USP26: variants seen among roughly 807,000 people sequenced by gnomAD.
USP26 encodes the protein ubiquitin specific peptidase 26, also known as ubiquitin carboxyl-terminal hydrolase 26.
For synonymous variants in USP26, 236 were observed against 240.6 expected, an observed-to-expected ratio of 0.98 and a Z score of 0.18; for missense variants, 649 against 642.3, an observed-to-expected ratio of 1.01 and a Z score of -0.11.
intron 1 of USP26, among the ~76,000 whole-genome samples, chrX:133,092,888 A>G (rs35049613): frequency 0.36 from 39,328 of 110,408 alleles, 6,310 homozygotes; most frequent in Middle Eastern, 0.52. Flanking sequence ...GGAAAACACC[A>G]ACTTTCTACC....
chrX:133,064,056 C>CA (rs754019748), intron 5 of USP26, among the ~76,000 whole-genome samples: 4 of 111,225 alleles, frequency 3.6e-5, no homozygotes, highest in African/African-American at 9.8e-5. Flanking sequence ...AAATGGAAAG[C>CA]AAAAAAAGCA....
chrX:133,047,398 C>A (rs1468382391), intron 5 of USP26, among the ~76,000 whole-genome samples: 1 of 112,284 alleles, frequency 8.9e-6, no homozygotes, highest in African/African-American at 3.2e-5. Context: ...ATATATATTT[C>A]TTCTAGTACA....
intron 5 of USP26, among the ~76,000 whole-genome samples, chrX:133,044,093 C>T (rs762913702): frequency 1.2e-4 from 13 of 112,705 alleles, no homozygotes; most frequent in Non-Finnish European, 2.3e-4. Flanking sequence ...ACTATTTGTG[C>T]CCACCCACCC....
intron 5 of USP26, among the ~76,000 whole-genome samples, chrX:133,044,518 T>C (rs1213564709): frequency 1.8e-5 from 2 of 112,900 alleles, no homozygotes; most frequent in African/African-American, 6.4e-5. Context: ...GCTTAGCACC[T>C]GGACCAGCAG....
chrX:133,039,748 T>C (rs1367258212), intron 5 of USP26, among the ~76,000 whole-genome samples: 1 of 111,581 alleles, frequency 9.0e-6, no homozygotes, highest in Admixed American at 9.5e-5. Flanking sequence ...AATATCCTTG[T>C]TAATTTTCTG....
intron 5 of USP26, among the ~76,000 whole-genome samples, chrX:133,035,328 C>T (rs754575133): frequency 2.1e-4 from 24 of 112,168 alleles, no homozygotes; most frequent in Middle Eastern, 4.6e-3. Context: ...AAGAAAGAGG[C>T]TCTTTTGGAC....
chrX:133,064,238 A>T (rs2067504067), intron 5 of USP26, among the ~76,000 whole-genome samples: 1 of 112,133 alleles, frequency 8.9e-6, no homozygotes, highest in Non-Finnish European at 1.9e-5. Flanking sequence ...ACAAGTTCTT[A>T]GAGACCTACA....
At chrX:133,076,412 A>G (rs150641301) in intron 5 of USP26, among the ~76,000 whole-genome samples, 414 of 111,002 alleles carry the variant, frequency 3.7e-3, no homozygotes, top group African/African-American at 0.013. Flanking sequence ...TGGGCCTTTG[A>G]AGTAACTATA....
At chrX:133,035,792 G>C (rs1410409011) in intron 5 of USP26, among the ~76,000 whole-genome samples, 1 of 112,031 alleles carries the variant, frequency 8.9e-6, no homozygotes, top group East Asian at 2.8e-4. Flanking sequence ...AGAAACAAGA[G>C]ATAAAGCAAT....
intron 4 of USP26, among the ~76,000 whole-genome samples, chrX:133,087,419 G>A (rs758120470): frequency 8.9e-6 from 1 of 112,398 alleles, no homozygotes; most frequent in South Asian, 3.7e-4. Context: ...ATTCAGTGTT[G>A]TGTAAGAGCT....
intron 5 of USP26, among the ~76,000 whole-genome samples, chrX:133,063,114 G>A (rs763465953): frequency 9.0e-6 from 1 of 110,912 alleles, no homozygotes; most frequent in South Asian, 3.9e-4. Context: ...CGATCAAGTG[G>A]AAGAAAGGAT....
intron 5 of USP26, among the ~76,000 whole-genome samples, chrX:133,075,468 G>A (rs970869631): frequency 1.8e-5 from 2 of 111,878 alleles, no homozygotes; most frequent in Non-Finnish European, 3.8e-5. Context: ...AAATTACTCT[G>A]AAGTTCTCTC....
intron 1 of USP26, among the ~76,000 whole-genome samples, chrX:133,095,917 A>C (rs1030753722): frequency 1.8e-5 from 2 of 110,187 alleles, no homozygotes; most frequent in African/African-American, 3.3e-5. Context: ...GCTGATTTTC[A>C]TATTTTTAGT....
intron 5 of USP26, among the ~76,000 whole-genome samples, chrX:133,082,087 A>C (rs1303775261): frequency 9.0e-6 from 1 of 111,612 alleles, no homozygotes; most frequent in East Asian, 2.8e-4. Flanking sequence ...GGAGATGTTG[A>C]AGCAGAGAGA....
rs200796771 is a variant in USP26 at position 133,057,081 on chromosome X, A to AT, written c.-77+26625dup. Among the ~76,000 whole-genome samples the AT allele has an allele frequency of 4.9e-4, 53 of 107,537 alleles. 1 individual carries two copies. Among genetic ancestry groups the AT allele is most frequent in the East Asian group, 3.5e-3 (12 of 3,428 alleles). The allele number at this position is 107,537 out of a possible 115,157, so 93.4% of individuals were successfully genotyped here. On this transcript the variant is annotated intron_variant, in intron 5 of 5. Coordinates refer to ENST00000511190, the MANE Select transcript of USP26 (RefSeq NM_031907.3). The stretch of plus-strand genomic sequence containing the variant: ...ATCACTATTCATTTAAAAATGTTTA[A>AT]TTTTTTTTTTTATTTTACTTTAAGT...
chrX:133,079,881 C>T (rs765640744), intron 5 of USP26, among the ~76,000 whole-genome samples: 7 of 111,495 alleles, frequency 6.3e-5, no homozygotes, highest in Non-Finnish European at 1.3e-4. Flanking sequence ...AAGGAAAGTG[C>T]AGAAATATCA....
chrX:133,027,877 C>T lies in USP26; in HGVS notation c.344G>A (p.Gly115Asp). Residue 115 changes from glycine (G) to aspartate (D), a missense_variant, in exon 6 of 6, where the codon GGT (glycine) becomes GAT (aspartate). By Grantham distance (94) the Gly-to-Asp change is moderately conservative. Transcript: ENST00000511190. ...TGTTGTGCTAGAAAAGACACTCCCA[C>T]CCTTACCAGGTCTCACAGGTGGCTG... ...EVQPPVRPGKGGSVFSSTTQK... is the reference protein window; with the variant it reads ...EVQPPVRPGKDGSVFSSTTQK... The T allele has an allele frequency of 3.3e-6, 4 of 1,209,474 alleles. No individual in the cohort carries two copies. The highest frequency in any genetic ancestry group is 4.5e-6 in the Non-Finnish European group (4 of 894,068).
intron 5 of USP26, among the ~76,000 whole-genome samples, chrX:133,045,159 C>T (rs188213807): frequency 2.2e-4 from 24 of 111,490 alleles, no homozygotes; most frequent in East Asian, 5.7e-4. Flanking sequence ...CTGTATCTAG[C>T]GCAAGGTTTG....
intron 5 of USP26, among the ~76,000 whole-genome samples, chrX:133,050,443 A>G (rs2067455086): frequency 8.9e-6 from 1 of 112,013 alleles, no homozygotes. Context: ...TCATCACCAC[A>G]ATTTTTAACT....
Sources: gnomAD v4.1 joint callset for allele counts (sites outside exome capture counted in the v4.1 genomes callset) on GRCh38, gnomAD v4.1.1 for gene constraint, MANE v1.5 for transcripts, NCBI Gene and HGNC (gene_info 2026-07-23, HGNC 2026-07-21) for gene names.